Variants in CLCN4 observed in about 807,000 individuals in gnomAD.
CLCN4 encodes H(+)/Cl(-) exchange transporter 4.
A neutral mutation model predicts 41.7 loss-of-function variants in CLCN4; 1 was observed. That is an observed-to-expected ratio of 0.02 (90% CI 0.01 to 0.11). The LOEUF (loss-of-function observed/expected upper bound fraction) is 0.11, where lower values mean the gene tolerates loss of function less well. Among genes scored for constraint, CLCN4 ranks in the 10% least tolerant of loss-of-function variants. CLCN4 has a pLI of 1.00. For missense variants in CLCN4, 287 were observed against 661.0 expected (o/e 0.43, Z 6.20); for synonymous variants, 277 against 285.8 (o/e 0.97, Z 0.31).
intron 2 of CLCN4, among the ~76,000 whole-genome samples, chrX:10,165,540 G>A (rs1317949347): frequency 3.6e-5 from 4 of 111,680 alleles, no homozygotes; most frequent in Non-Finnish European, 5.7e-5. Flanking sequence ...TTATGGGGGA[G>A]GCTGCTCCTG....
chrX:10,165,899 C>A (rs538585357), intron 2 of CLCN4, among the ~76,000 whole-genome samples: 1 of 111,998 alleles, frequency 8.9e-6, no homozygotes, highest in African/African-American at 3.2e-5. Flanking sequence ...TTCACCGTGG[C>A]GTCCCGGGCC....
rs760315418 is a variant in CLCN4, at chrX:10,191,692, A to ATTTTTTTTTTTTTTT, written c.245-3205_245-3191dup. Reference sequence around the variant, plus strand: ...AGGCGCGTGCCACCATATCTGGTTAATTTTTTTTTTTTTTTTTTTTTTTTT... The same window carrying ATTTTTTTTTTTTTTT: ...AGGCGCGTGCCACCATATCTGGTTAATTTTTTTTTTTTTTTTTTTTTTTTTTTTTTTTTTTTTTTT... On this transcript the variant is annotated intron_variant, in intron 4 of 12. Coordinates refer to ENST00000380833, the MANE Select transcript of CLCN4 (RefSeq NM_001830.4). 6.4e-4 allele frequency among the ~76,000 whole-genome samples: 32 copies of ATTTTTTTTTTTTTTT among 49,770 alleles called. 2 individuals are homozygous for ATTTTTTTTTTTTTTT. The highest frequency in any genetic ancestry group is 2.8e-3 in the African/African-American group (30 of 10,846). The allele number at this position is 49,770 out of a possible 115,157, so 43.2% of individuals were successfully genotyped here.
intron 4 of CLCN4, among the ~76,000 whole-genome samples, chrX:10,194,301 C>T (rs1160365607): frequency 8.9e-6 from 1 of 112,001 alleles, no homozygotes; most frequent in Non-Finnish European, 1.9e-5. Flanking sequence ...TTTTGTGATC[C>T]ATTCAACTGC....
chrX:10,181,114 T>G (rs7391963), intron 2 of CLCN4, among the ~76,000 whole-genome samples: 32,690 of 109,870 alleles, frequency 0.3, 4,174 homozygotes, highest in African/African-American at 0.49. Flanking sequence ...TCCCAGCATT[T>G]TGGGAGGCTG....
intron 12 of CLCN4, among the ~76,000 whole-genome samples, chrX:10,225,839 A>G (rs1352081186): frequency 8.9e-6 from 1 of 112,010 alleles, no homozygotes; most frequent in Non-Finnish European, 1.9e-5. Flanking sequence ...AGCATCATTT[A>G]TTAAATAGGG....
chrX:10,225,586 C>G (rs954894797), intron 12 of CLCN4, among the ~76,000 whole-genome samples: 5 of 112,128 alleles, frequency 4.5e-5, no homozygotes, highest in African/African-American at 1.6e-4. Flanking sequence ...TGCAGAAGCT[C>G]TTTAGTTTAA....
In CLCN4 at chrX:10,187,532, G is replaced by T. The variant is rs767240677; in HGVS notation, c.162G>T (p.Lys54Asn). ...DRHRKITSKS[K>N]ESIWEFIKSL... ...TGTTCTAGATCACCAGCAAGAGCAAGGAGTCCATATGGGAGTTCATCAAGA... is the reference window on the plus strand; with the variant it reads ...TGTTCTAGATCACCAGCAAGAGCAATGAGTCCATATGGGAGTTCATCAAGA... The change falls in exon 4 of 13, where the codon AAG becomes AAT. Residue 54 changes from lysine to asparagine, a missense_variant. By Grantham distance (94) the Lys-to-Asn change is moderately conservative. Around this residue, in one of 6 missense-constraint regions of CLCN4, gnomAD observed 90 missense variants for 209.8 expected, o/e 0.43. Transcript: ENST00000380833. The T allele has an allele frequency of 8.3e-7, 1 of 1,206,549 alleles. No individual in the cohort carries two copies. The highest frequency in any genetic ancestry group is 1.1e-6 in the Non-Finnish European group (1 of 892,046).
At chrX:10,177,662 G>A (rs1430759570) in intron 2 of CLCN4, among the ~76,000 whole-genome samples, 4 of 111,697 alleles carry the variant, frequency 3.6e-5, no homozygotes, top group African/African-American at 6.5e-5. Context: ...TGCATTTTAC[G>A]AATACATGTT....
At chrX:10,230,626 CAGG>C (rs1276338085) in intron 12 of CLCN4, among the ~76,000 whole-genome samples, 3 of 112,095 alleles carry the variant, frequency 2.7e-5, no homozygotes, top group African/African-American at 9.7e-5. Context: ...TGGGTTTTCC[CAGG>C]AGAACTCAGC....
intron 2 of CLCN4, among the ~76,000 whole-genome samples, chrX:10,161,496 A>T (rs900728919): frequency 1.8e-5 from 2 of 112,298 alleles, no homozygotes; most frequent in African/African-American, 6.5e-5. Context: ...TAAGAGACGG[A>T]ATAGCCAAAT....
chrX:10,217,059 C>T (rs1034236130), intron 11 of CLCN4, among the ~76,000 whole-genome samples: 1 of 104,782 alleles, frequency 9.5e-6, no homozygotes, highest in Admixed American at 1.0e-4. Flanking sequence ...TTTCAATTTT[C>T]CATTTTAACC....
At chrX:10,166,387 C>A (rs1004810035) in intron 2 of CLCN4, among the ~76,000 whole-genome samples, 1 of 112,136 alleles carries the variant, frequency 8.9e-6, no homozygotes, top group Non-Finnish European at 1.9e-5. Flanking sequence ...CTAGCAAGCA[C>A]GTGCAGCAGC....
chrX:10,191,758 C>A (rs1355596647), intron 4 of CLCN4, among the ~76,000 whole-genome samples: 1 of 86,733 alleles, frequency 1.2e-5, no homozygotes, highest in Non-Finnish European at 2.1e-5. Flanking sequence ...CAGGCTAGTC[C>A]TGAACTCCTG....
Position 10,184,881 on chromosome X carries a change from T to C in CLCN4, c.-11-141T>C, listed in dbSNP as rs998498119. 9.6e-6 allele frequency: 4 copies of C among 417,242 alleles called. No individual in the cohort carries two copies. The African/African-American group carries it at 9.9e-5, about 10-fold the overall frequency. The allele number at this position is 417,242 out of a possible 1,213,427, so 34.4% of individuals were successfully genotyped here. A position where few individuals can be genotyped will look rare whatever the true frequency, so the allele number is the denominator to read the frequency against. The stretch of plus-strand genomic sequence containing the variant: ...ACCTCCACGAATAATGATAATTGAC[T>C]GTGTATATATTTCATTACAGCACAG... On this transcript the variant is annotated intron_variant, in intron 2 of 12. Coordinates refer to ENST00000380833, the MANE Select transcript of CLCN4 (RefSeq NM_001830.4).
intron 2 of CLCN4, among the ~76,000 whole-genome samples, chrX:10,179,097 C>T (rs1923607109): frequency 8.9e-6 from 1 of 112,451 alleles, no homozygotes; most frequent in Non-Finnish European, 1.9e-5. Flanking sequence ...TTAGGATTTT[C>T]TGCTCTGTAA....
chrX:10,188,386 C>G (rs1923868296), intron 4 of CLCN4, among the ~76,000 whole-genome samples: 2 of 112,369 alleles, frequency 1.8e-5, no homozygotes, highest in African/African-American at 6.5e-5. Flanking sequence ...TAGACACCCA[C>G]GGGAGCTGAG....
rs776788910 is a variant in CLCN4, at chrX:10,213,799, A to G, written c.1695A>G (p.Ala565=). The part of the protein sequence containing the change: ...AAVTSKWVAD[A]FGKEGIYEAH... ...TGACCAGCAAGTGGGTAGCTGATGC[A>G]TTTGGGAAAGAAGGCATCTACGAGG... Residue 565 remains alanine, a synonymous_variant, in exon 11 of 13, where the codon GCA becomes GCG. Transcript: ENST00000380833. The G allele has an allele frequency of 8.6e-5, 104 of 1,210,386 alleles. 1 individual carries two copies. In the South Asian group the frequency reaches 1.5e-3, roughly 18 times the overall value.
rs1174399224 is a variant in CLCN4, at chrX:10,235,972, G to A, written c.*2388G>A. 1.8e-5 allele frequency: 2 copies of A among 112,309 alleles called. No homozygotes were observed. The highest frequency in any genetic ancestry group is 3.8e-5 in the Non-Finnish European group (2 of 53,276). The allele number at this position is 112,309 out of a possible 1,213,427, so 9.3% of individuals were successfully genotyped here. ...TTACAAGTGAAGTTGGATTCTCCTGGGCTTTAAATCCAAAAAGTCTTAATG... is the reference window on the plus strand; with the variant it reads ...TTACAAGTGAAGTTGGATTCTCCTGAGCTTTAAATCCAAAAAGTCTTAATG... On this transcript the variant is annotated 3_prime_UTR_variant, in exon 13 of 13. Coordinates refer to ENST00000380833, the MANE Select transcript of CLCN4 (RefSeq NM_001830.4).
chrX:10,171,002 A>C (rs938441561), intron 2 of CLCN4, among the ~76,000 whole-genome samples: 1 of 112,104 alleles, frequency 8.9e-6, no homozygotes, highest in African/African-American at 3.2e-5. Context: ...CTCTTGCGTC[A>C]GCCTCCAGAG....
Sources: gnomAD v4.1 joint callset for allele counts (sites outside exome capture counted in the v4.1 genomes callset) on GRCh38, gnomAD v4.1.1 for gene constraint, gnomAD v4.1.1 regional missense constraint, MANE v1.5 for transcripts, NCBI Gene and HGNC (gene_info 2026-07-23, HGNC 2026-07-21) for gene names.